GRM5: variants seen among roughly 807,000 people sequenced by gnomAD.
GRM5 encodes the protein glutamate metabotropic receptor 5.
In GRM5, 19 loss-of-function variants were observed where a neutral mutation model predicts 83.1. The ratio of observed to expected loss-of-function variants is 0.23; its 90% CI spans 0.16 to 0.34. GRM5 has a LOEUF of 0.34. Ranked by LOEUF, GRM5 falls within the 10% of genes least tolerant of loss-of-function variation. GRM5 has a pLI of 1.00. For synonymous variants in GRM5, 675 were observed against 633.6 expected (o/e 1.07, Z -0.98); for missense variants, 1,160 against 1,588.3 (o/e 0.73, Z 4.58).
At chr11:88,926,457 T>C (rs1945791026) in intron 2 of GRM5, among the ~76,000 whole-genome samples, 1 of 152,164 alleles carries the variant, frequency 6.6e-6, no homozygotes, top group South Asian at 2.1e-4. Context: ...AGAGTGTTCA[T>C]ACAAAACTTA....
chr11:88,567,773 G>A lies in GRM5; in HGVS notation c.1910C>T (p.Ala637Val), dbSNP rs755649618. ...GTAGCAGTAAATCTGTTTGGGCTTC[G>A]CAATGAGGCAGAAGGTACATAAGTA... is the stretch of plus-strand genomic sequence containing the variant. Reference protein sequence around the residue: ...LGYLCTFCLIAKPKQIYCYLQ... With the variant: ...LGYLCTFCLIVKPKQIYCYLQ... The change falls in exon 8 of 10, where the codon GCG becomes GTG. Residue 637 changes from alanine to valine, a missense_variant. Ala to Val is a moderately conservative substitution (Grantham distance 64). Transcript: ENST00000305447. This position sits in a 1 kb window ranked among gnomAD's most constrained non-coding sequence, Gnocchi z 7.3. 17 of 1,613,760 alleles carry A rather than the reference G, an allele frequency of 1.1e-5. No individual in the cohort carries two copies. Among genetic ancestry groups the A allele is most frequent in the East Asian group, 4.5e-5 (2 of 44,876 alleles).
At chr11:88,719,266 G>A (rs1195708085) in intron 3 of GRM5, among the ~76,000 whole-genome samples, 1 of 151,804 alleles carries the variant, frequency 6.6e-6, no homozygotes, top group Non-Finnish European at 1.5e-5. Flanking sequence ...CCTTCCCTGT[G>A]TCCCTGTATT....
At chr11:88,764,632 G>T (rs532383725) in intron 3 of GRM5, among the ~76,000 whole-genome samples, 109 of 151,536 alleles carry the variant, frequency 7.2e-4, no homozygotes, top group African/African-American at 2.5e-3. Context: ...AATCACAGGG[G>T]AAATTGGAAA....
chr11:88,960,099 C>A (rs1289446510), intron 2 of GRM5, among the ~76,000 whole-genome samples: 1 of 152,128 alleles, frequency 6.6e-6, no homozygotes, highest in Non-Finnish European at 1.5e-5. Flanking sequence ...CTGAGGCAGA[C>A]TTGTGCTTAG....
intron 3 of GRM5, among the ~76,000 whole-genome samples, chr11:88,802,808 CCTT>C (rs1487611848): frequency 2.0e-5 from 3 of 150,948 alleles, no homozygotes; most frequent in Non-Finnish European, 2.9e-5. Flanking sequence ...CCCAAAATCT[CCTT>C]AAGCTGATAA....
rs1941150466 is a variant in GRM5, at chr11:88,505,154, T to C, written c.*3438A>G. ...TTCAAAGTGAATTCTGACTTGTCTT[T>C]ATGCTTTCACTGATCTGTATTTTTT... On this transcript the variant is annotated 3_prime_UTR_variant, in exon 10 of 10. Transcript: ENST00000305447. 1 of 152,200 alleles carries C rather than the reference T, an allele frequency of 6.6e-6. No homozygotes were observed. Among genetic ancestry groups the C allele is most frequent in the Admixed American group, 6.5e-5 (1 of 15,286 alleles). 9.4% of individuals were successfully genotyped at this position (152,200 alleles called of 1,614,324 possible).
intron 2 of GRM5, among the ~76,000 whole-genome samples, chr11:88,868,315 G>C (rs779598128): frequency 6.6e-6 from 1 of 151,650 alleles, no homozygotes; most frequent in Non-Finnish European, 1.5e-5. Flanking sequence ...TTCAAATCCC[G>C]GCTCTGACAT....
intron 2 of GRM5, among the ~76,000 whole-genome samples, chr11:88,951,285 G>C (rs1938454352): frequency 6.6e-6 from 1 of 152,256 alleles, no homozygotes; most frequent in East Asian, 1.9e-4. Context: ...AGAACTATGA[G>C]GTAAGAACAA....
intron 3 of GRM5, among the ~76,000 whole-genome samples, chr11:88,833,433 G>A (rs1165455665): frequency 6.6e-6 from 1 of 151,876 alleles, no homozygotes; most frequent in Non-Finnish European, 1.5e-5. Context: ...CCACAGTGAG[G>A]TATCATCACC....
At chr11:88,542,527 G>C (rs1942289889) in intron 8 of GRM5, among the ~76,000 whole-genome samples, 1 of 152,124 alleles carries the variant, frequency 6.6e-6, no homozygotes, top group Non-Finnish European at 1.5e-5. Flanking sequence ...GTTTAAAAGA[G>C]ATCTATTGGT....
At chr11:88,901,467 A>G (rs1352571040) in intron 2 of GRM5, among the ~76,000 whole-genome samples, 2 of 152,170 alleles carry the variant, frequency 1.3e-5, no homozygotes, top group Admixed American at 1.3e-4. Flanking sequence ...TCTCTTAGAC[A>G]TTCCCTGAAG....
intron 2 of GRM5, among the ~76,000 whole-genome samples, chr11:88,976,140 T>C (rs1939328119): frequency 6.6e-6 from 1 of 152,208 alleles, no homozygotes; most frequent in South Asian, 2.1e-4. Context: ...TTAATGATTA[T>C]TGATTTTAAC....
At chr11:88,907,059 A>G (rs1945415980) in intron 2 of GRM5, among the ~76,000 whole-genome samples, 1 of 151,990 alleles carries the variant, frequency 6.6e-6, no homozygotes, top group Admixed American at 6.6e-5. Flanking sequence ...CTGGAAGCAG[A>G]TACCCAAGTT....
intron 3 of GRM5, among the ~76,000 whole-genome samples, chr11:88,736,836 T>C (rs1941924963): frequency 1.3e-5 from 2 of 151,582 alleles, no homozygotes; most frequent in Admixed American, 6.6e-5. Context: ...TGTTTATCAA[T>C]ATACTAAAAA....
intron 3 of GRM5, among the ~76,000 whole-genome samples, chr11:88,698,234 C>T (rs747170535): frequency 2.6e-4 from 40 of 152,092 alleles, no homozygotes; most frequent in Non-Finnish European, 5.1e-4. Flanking sequence ...ATGGTCGGGC[C>T]CTGCTTGTCC....
At chr11:89,010,219 A>G (rs1030313411) in intron 2 of GRM5, among the ~76,000 whole-genome samples, 1 of 152,198 alleles carries the variant, frequency 6.6e-6, no homozygotes, top group African/African-American at 2.4e-5. Context: ...TGCCCACAGA[A>G]TACTCTCCCT....
At chr11:89,021,235 C>G (rs888646915) in intron 2 of GRM5, among the ~76,000 whole-genome samples, 2 of 152,090 alleles carry the variant, frequency 1.3e-5, no homozygotes, top group African/African-American at 4.8e-5. Context: ...CTCTGCTTCC[C>G]TCAATGTAAT....
At chr11:88,889,455 C>G (rs900426357) in intron 2 of GRM5, among the ~76,000 whole-genome samples, 4 of 152,092 alleles carry the variant, frequency 2.6e-5, no homozygotes, top group African/African-American at 4.8e-5. Context: ...TTTAAAAACA[C>G]CTTGTACACT....
chr11:88,701,402 A>T (rs1231888711), intron 3 of GRM5, among the ~76,000 whole-genome samples: 3 of 152,138 alleles, frequency 2.0e-5, no homozygotes, highest in Non-Finnish European at 4.4e-5. Flanking sequence ...TAGATAAGCG[A>T]TCAAGACAAG....
Sources: allele counts gnomAD v4.1 joint callset (sites outside exome capture counted in the v4.1 genomes callset), GRCh38; gene constraint gnomAD v4.1.1; non-coding constraint Gnocchi (gnomAD v3.1); transcripts MANE v1.5; gene names NCBI Gene and HGNC (gene_info 2026-07-23, HGNC 2026-07-21).